CHLSN: variants seen among roughly 807,000 people sequenced by gnomAD.
CHLSN encodes protein cholesin.
chr7:1,021,458 C>A, the CHLSN span: 2 of 985,462 alleles, frequency 2.0e-6, no homozygotes, highest in Middle Eastern at 5.2e-4. Flanking sequence ...TAAGTCTGAT[C>A]GGCAGTGGTG....
At chr7:1,122,738 GA>G in the CHLSN span, among the ~76,000 whole-genome samples, 1 of 152,168 alleles carries the variant, frequency 6.6e-6, no homozygotes, top group African/African-American at 2.4e-5. Context: ...CGTGAAAACA[GA>G]ACTCCTAAAC....
the CHLSN span, among the ~76,000 whole-genome samples, chr7:1,079,374 G>A: frequency 6.6e-6 from 1 of 152,210 alleles, no homozygotes; most frequent in Non-Finnish European, 1.5e-5. Context: ...AAAAGCTTAT[G>A]CTGCTTTTGC....
the CHLSN span, among the ~76,000 whole-genome samples, chr7:1,081,270 A>G: frequency 6.6e-6 from 1 of 152,106 alleles, no homozygotes; most frequent in Admixed American, 6.5e-5. Context: ...CACCAGACTG[A>G]CCTTGCCAGG....
the CHLSN span, among the ~76,000 whole-genome samples, chr7:1,005,928 G>A: frequency 6.6e-6 from 1 of 152,260 alleles, no homozygotes; most frequent in Non-Finnish European, 1.5e-5. Flanking sequence ...AAGCCTGCAG[G>A]GACCAGGGAG....
chr7:989,842 CA>C, the CHLSN span, among the ~76,000 whole-genome samples: 2 of 146,878 alleles, frequency 1.4e-5, no homozygotes, highest in African/African-American at 5.1e-5. Flanking sequence ...GTGTGGTCGG[CA>C]GTGTGACAGT....
the CHLSN span, among the ~76,000 whole-genome samples, chr7:998,152 C>T: frequency 8.5e-5 from 13 of 152,144 alleles, no homozygotes; most frequent in South Asian, 2.1e-4. Context: ...AAGCCAAGTA[C>T]GCGCCGGCAC....
At chr7:1,010,837 G>A in the CHLSN span, among the ~76,000 whole-genome samples, 2 of 152,272 alleles carry the variant, frequency 1.3e-5, no homozygotes, top group East Asian at 1.9e-4. Flanking sequence ...GACCCCAGCC[G>A]CTGTCCACAT....
the CHLSN span, among the ~76,000 whole-genome samples, chr7:1,066,337 C>T: frequency 1.3e-5 from 2 of 152,364 alleles, no homozygotes; most frequent in East Asian, 1.9e-4. Flanking sequence ...GCCTGGACGC[C>T]GCCTAGCAGA....
At chr7:989,746 C>T in the CHLSN span, 1 of 186,764 alleles carries the variant, frequency 5.4e-6, no homozygotes, top group Non-Finnish European at 1.1e-5. Flanking sequence ...CACCACTGCA[C>T]TCCAGCCTGG....
At chr7:986,958 G>A in the CHLSN span, 1 of 1,314,800 alleles carries the variant, frequency 7.6e-7, no homozygotes, top group Non-Finnish European at 1.0e-6. Context: ...GTGAAACGGG[G>A]CATCCATAGT....
At chr7:1,127,849 C>G in the CHLSN span, among the ~76,000 whole-genome samples, 65 of 84,844 alleles carry the variant, frequency 7.7e-4, 10 homozygotes, top group African/African-American at 4.6e-3. Flanking sequence ...AATCTCGGCT[C>G]ATCCCACCGT....
the CHLSN span, among the ~76,000 whole-genome samples, chr7:1,002,813 G>GT: frequency 4.0e-5 from 3 of 75,798 alleles, no homozygotes; most frequent in African/African-American, 5.5e-5. Context: ...CCTGTGGGTG[G>GT]GGAGTCCTGT....
At chr7:1,133,032 G>A in the CHLSN span, among the ~76,000 whole-genome samples, 9 of 152,100 alleles carry the variant, frequency 5.9e-5, no homozygotes, top group Admixed American at 3.3e-4. Flanking sequence ...AACAACCTCC[G>A]TGTCTGTGCA....
chr7:983,200 A>G, the CHLSN span: 338 of 1,479,498 alleles, frequency 2.3e-4, no homozygotes, highest in Non-Finnish European at 3.0e-4. Context: ...GAGCCTCACC[A>G]GCCACGTCCT....
the CHLSN span, among the ~76,000 whole-genome samples, chr7:1,132,694 T>TAAAAAAA: frequency 2.8e-5 from 3 of 107,010 alleles, no homozygotes; most frequent in African/African-American, 3.9e-5. Flanking sequence ...AACCTGTCTT[T>TAAAAAAA]AAAAAAAAAA....
chr7:993,223 G>A, the CHLSN span, among the ~76,000 whole-genome samples: 1 of 152,216 alleles, frequency 6.6e-6, no homozygotes, highest in African/African-American at 2.4e-5. Context: ...GACGGCAGCT[G>A]GAGCGCGTGG....
chr7:1,018,586 G>A, the CHLSN span, among the ~76,000 whole-genome samples: 31 of 151,032 alleles, frequency 2.1e-4, no homozygotes, highest in African/African-American at 6.3e-4. Flanking sequence ...GTGTGCACGC[G>A]GGCGGGTGGG....
the CHLSN span, among the ~76,000 whole-genome samples, chr7:1,015,504 C>A: frequency 2.0e-5 from 3 of 152,254 alleles, no homozygotes; most frequent in Admixed American, 1.3e-4. Flanking sequence ...TAGAAAAAGT[C>A]ATCTGTTCCA....
the CHLSN span, among the ~76,000 whole-genome samples, chr7:1,129,850 A>G: frequency 6.6e-6 from 1 of 152,242 alleles, no homozygotes; most frequent in Non-Finnish European, 1.5e-5. Context: ...TTTAAGATTA[A>G]GAGAAATACC....
Sources: gnomAD v4.1 joint callset for allele counts (sites outside exome capture counted in the v4.1 genomes callset) on GRCh38, gnomAD v4.1.1 for gene constraint, MANE v1.5 for transcripts, NCBI Gene and HGNC (gene_info 2026-07-23, HGNC 2026-07-21) for gene names.